AGAP1: variants seen among roughly 807,000 people sequenced by gnomAD.
The protein encoded by AGAP1 is ArfGAP with GTPase domain, ankyrin repeat and PH domain 1.
Under a neutral mutation model 105.3 loss-of-function variants are expected in AGAP1, and 29 were observed. That is an observed-to-expected ratio of 0.28 (90% CI 0.21 to 0.38). AGAP1 has a LOEUF of 0.38. Ranked by LOEUF, AGAP1 falls within the 10% of genes least tolerant of loss-of-function variation. AGAP1 has a pLI of 1.00. For missense variants in AGAP1, 998 were observed against 1,165.1 expected (o/e 0.86, Z 2.09); for synonymous variants, 509 against 485.9 (o/e 1.05, Z -0.63).
At chr2:235,536,468 TAC>T (rs68065934) in intron 1 of AGAP1, among the ~76,000 whole-genome samples, 28,820 of 48,592 alleles carry the variant, frequency 0.59, 9,449 homozygotes, top group East Asian at 0.68. Flanking sequence ...TGTGGCATCC[TAC>T]ACACACACAC....
intron 1 of AGAP1, among the ~76,000 whole-genome samples, chr2:235,589,450 G>T (rs1261204167): frequency 6.6e-6 from 1 of 151,878 alleles, no homozygotes; most frequent in African/African-American, 2.4e-5. Flanking sequence ...CAGGTGATCC[G>T]CCCACCTTGG....
Position 236,125,095 on chromosome 2 carries a change from T to G in AGAP1, c.*973T>G, listed in dbSNP as rs1270778777. ...CTAAGGAAATACACAAAAGGCTGTT[T>G]TTTCCGACTGTAAGAGATATTTGAT... On this transcript the variant is annotated 3_prime_UTR_variant, in exon 18 of 18. Coordinates refer to ENST00000304032, the MANE Select transcript of AGAP1 (RefSeq NM_001037131.3). This position sits in a 1 kb window ranked among gnomAD's most constrained non-coding sequence, Gnocchi z 5.2. 2.4e-5 allele frequency: 4 copies of G among 165,058 alleles called. No individual in the cohort carries two copies. The highest frequency in any genetic ancestry group is 5.9e-5 in the Non-Finnish European group (4 of 68,106). 10.2% of individuals were successfully genotyped at this position (165,058 alleles called of 1,614,324 possible). A position where few individuals can be genotyped will look rare whatever the true frequency, so the allele number is the denominator to read the frequency against.
At chr2:236,033,221 G>A (rs1003402164) in intron 13 of AGAP1, among the ~76,000 whole-genome samples, 2 of 152,188 alleles carry the variant, frequency 1.3e-5, no homozygotes, top group Non-Finnish European at 2.9e-5. Context: ...CTCCAGCCTG[G>A]ACGACAGGAG....
At chr2:235,783,680 G>A (rs1379675926) in intron 6 of AGAP1, among the ~76,000 whole-genome samples, 3 of 151,864 alleles carry the variant, frequency 2.0e-5, no homozygotes, top group East Asian at 1.9e-4. Context: ...AAACTGATTG[G>A]TGATGAAAGA....
chr2:235,716,911 C>T lies in AGAP1; in HGVS notation c.223-646C>T, dbSNP rs1951137284. Among the ~76,000 whole-genome samples, 1 of 152,062 alleles carries T rather than the reference C, an allele frequency of 6.6e-6. No individual in the cohort carries two copies. Among genetic ancestry groups the T allele is most frequent in the Admixed American group, 6.5e-5 (1 of 15,276 alleles). ...CTGAGGGTCGCCTTCTAATCCAGCA[C>T]AAACGAGCACCTTTGCCGTCTCTCC... is the stretch of plus-strand genomic sequence containing the variant. On this transcript the variant is annotated intron_variant, in intron 2 of 17. Transcript: ENST00000304032. This position sits in a 1 kb window ranked among gnomAD's most constrained non-coding sequence, Gnocchi z 4.0.
chr2:235,979,362 G>A lies in AGAP1; in HGVS notation c.1645+10739G>A, dbSNP rs954475917. Among the ~76,000 whole-genome samples the A allele has an allele frequency of 1.3e-5, 2 of 152,106 alleles. No homozygotes were observed. The highest frequency in any genetic ancestry group is 4.8e-5 in the African/African-American group (2 of 41,412). ...CTGTCGTTCATTTGAATCCTGCATC[G>A]CTGATTTAAGTGTTAATCAAATGCC... On this transcript the variant is annotated intron_variant, in intron 13 of 17. Transcript: ENST00000304032. The surrounding 1 kb of genome is among the most constrained non-coding windows in gnomAD (Gnocchi z 4.5).
chr2:235,696,760 G>C (rs923169119), intron 1 of AGAP1, among the ~76,000 whole-genome samples: 5 of 152,076 alleles, frequency 3.3e-5, no homozygotes, highest in Admixed American at 6.5e-5. Context: ...CTCTCAGAAT[G>C]AGCCCCGTCC....
intron 12 of AGAP1, among the ~76,000 whole-genome samples, chr2:235,932,469 A>T (rs10200722): frequency 3.7e-3 from 560 of 152,310 alleles, no homozygotes; most frequent in African/African-American, 0.013. Flanking sequence ...TTACTATTTG[A>T]TAAGGTTTCA....
chr2:235,616,627 T>C (rs1329267286), intron 1 of AGAP1, among the ~76,000 whole-genome samples: 1 of 152,214 alleles, frequency 6.6e-6, no homozygotes, highest in Non-Finnish European at 1.5e-5. Context: ...AAAACACATT[T>C]GTGGGTATAG....
Position 235,585,164 on chromosome 2 carries a change from A to G in AGAP1, c.163+90315A>G, listed in dbSNP as rs572350273. On this transcript the variant is annotated intron_variant, in intron 1 of 17. Transcript: ENST00000304032. ...ATTACCACACACTAAGTGGCTTAAAACAGCATAGATTTATTACAGTTCGGA... is the reference window on the plus strand; with the variant it reads ...ATTACCACACACTAAGTGGCTTAAAGCAGCATAGATTTATTACAGTTCGGA... Among the ~76,000 whole-genome samples, 8 of 152,128 alleles carry G rather than the reference A, an allele frequency of 5.3e-5. No homozygotes were observed. The South Asian group carries it at 1.2e-3, about 24-fold the overall frequency.
intron 1 of AGAP1, among the ~76,000 whole-genome samples, chr2:235,677,659 CAG>C (rs145283439): frequency 0.036 from 5,455 of 151,902 alleles, 138 homozygotes; most frequent in Middle Eastern, 0.078. Context: ...AGACGATTGT[CAG>C]AGGGAATCTT....
intron 7 of AGAP1, among the ~76,000 whole-genome samples, chr2:235,798,349 T>G (rs1242096579): frequency 3.3e-5 from 5 of 152,244 alleles, no homozygotes; most frequent in African/African-American, 1.2e-4. Flanking sequence ...AGTATTTACT[T>G]GGAAGCAAAT....
intron 13 of AGAP1, among the ~76,000 whole-genome samples, chr2:236,029,810 C>T (rs944892894): frequency 1.3e-5 from 2 of 152,048 alleles, no homozygotes; most frequent in African/African-American, 4.8e-5. Flanking sequence ...GTGGTCACAG[C>T]TCACTGCAGC....
intron 9 of AGAP1, among the ~76,000 whole-genome samples, chr2:235,814,483 A>G (rs1958336622): frequency 6.6e-6 from 1 of 152,198 alleles, no homozygotes; most frequent in Non-Finnish European, 1.5e-5. Flanking sequence ...TTCTTATCAG[A>G]TTTGATCAAC....
chr2:235,806,902 G>A (rs1398704927), intron 8 of AGAP1, among the ~76,000 whole-genome samples: 2 of 152,150 alleles, frequency 1.3e-5, no homozygotes, highest in South Asian at 2.1e-4. Context: ...TTCCTCGGCT[G>A]TGTGAACTGC....
intron 6 of AGAP1, chr2:235,774,002 TAA>T (rs1296943744): frequency 2.1e-6 from 1 of 470,032 alleles, no homozygotes; most frequent in Non-Finnish European, 4.4e-6. Context: ...TTAACAAAAA[TAA>T]AACAGGACCA....
At chr2:235,573,034 TTCTTCTTCTTCTTCTTCTTC>T (rs1360225726) in intron 1 of AGAP1, among the ~76,000 whole-genome samples, 2,426 of 24,226 alleles carry the variant, frequency 0.1, 204 homozygotes, top group African/African-American at 0.14. Flanking sequence ...CTTCTTCTTC[TTCTTCTTCTTCTTCTTCTTC>T]TTCTTCTTTC....
chr2:235,863,604 G>A (rs1436119619), intron 9 of AGAP1, among the ~76,000 whole-genome samples: 3 of 152,202 alleles, frequency 2.0e-5, no homozygotes, highest in East Asian at 3.9e-4. Context: ...CGCTGGCTGG[G>A]GTTAGGGAGG....
At chr2:235,722,789 C>G (rs556932161) in intron 3 of AGAP1, among the ~76,000 whole-genome samples, 2 of 152,128 alleles carry the variant, frequency 1.3e-5, no homozygotes, top group Admixed American at 1.3e-4. Flanking sequence ...TGATGTTCTC[C>G]AGGGATGTCC....
Sources: allele counts gnomAD v4.1 joint callset (sites outside exome capture counted in the v4.1 genomes callset), GRCh38; gene constraint gnomAD v4.1.1; non-coding constraint Gnocchi (gnomAD v3.1); transcripts MANE v1.5; gene names NCBI Gene and HGNC (gene_info 2026-07-23, HGNC 2026-07-21).